KLHDC10: variants seen among roughly 807,000 people sequenced by gnomAD.
The protein encoded by KLHDC10 is kelch domain containing 10, also known as kelch domain-containing protein 10.
KLHDC10 carries 24 observed loss-of-function variants against 56.1 expected under a neutral mutation model. The ratio of observed to expected loss-of-function variants is 0.43; its 90% CI spans 0.31 to 0.60. The LOEUF (loss-of-function observed/expected upper bound fraction) is 0.60. KLHDC10 is among the 20% of genes least tolerant of loss of function. KLHDC10 has a pLI of 0.11. For missense variants in KLHDC10, 349 were observed against 567.0 expected, an observed-to-expected ratio of 0.62 and a Z score of 3.91; for synonymous variants, 188 against 207.1, an observed-to-expected ratio of 0.91 and a Z score of 0.79.
intron 1 of KLHDC10, among the ~76,000 whole-genome samples, chr7:130,094,112 G>A (rs1389428021): frequency 5.3e-5 from 8 of 151,890 alleles, no homozygotes; most frequent in African/African-American, 1.9e-4. Flanking sequence ...TTTTAGTAGA[G>A]ATGGGGTTTT....
chr7:130,108,586 G>A (rs1454806721), intron 2 of KLHDC10, among the ~76,000 whole-genome samples: 3 of 149,268 alleles, frequency 2.0e-5, no homozygotes, highest in Non-Finnish European at 3.0e-5. Context: ...TGGGCGTGGT[G>A]GTGCGCGCCT....
At chr7:130,117,732 T>TGGGACTGCA (rs1796186011) in intron 3 of KLHDC10, 2 of 151,602 alleles carry the variant, frequency 1.3e-5, no homozygotes, top group Admixed American at 6.6e-5. Flanking sequence ...ACGACTGTAT[T>TGGGACTGCA]CCCAGCTACT....
chr7:130,081,542 C>T (rs930951194), intron 1 of KLHDC10, among the ~76,000 whole-genome samples: 3 of 150,208 alleles, frequency 2.0e-5, no homozygotes, highest in African/African-American at 7.4e-5. Context: ...TGGTTTTGAA[C>T]TCCTGAGCTC....
chr7:130,103,381 T>C (rs911062903), intron 2 of KLHDC10, among the ~76,000 whole-genome samples: 1 of 147,444 alleles, frequency 6.8e-6, no homozygotes, highest in Non-Finnish European at 1.5e-5. Context: ...GCTGAGATCA[T>C]GTCACTGCAC....
At chr7:130,077,722 A>ATTTTTT in intron 1 of KLHDC10, among the ~76,000 whole-genome samples, 2 of 151,234 alleles carry the variant, frequency 1.3e-5, no homozygotes, top group Non-Finnish European at 2.9e-5. Flanking sequence ...CGCCCAGCTA[A>ATTTTTT]TTTTTTGTAG....
At chr7:130,101,798 G>A (rs1318687608) in intron 2 of KLHDC10, among the ~76,000 whole-genome samples, 3 of 151,822 alleles carry the variant, frequency 2.0e-5, no homozygotes, top group East Asian at 1.9e-4. Context: ...GTGAAACCCC[G>A]TCTCTACTAA....
chr7:130,092,852 C>T (rs753895662), intron 1 of KLHDC10, among the ~76,000 whole-genome samples: 1 of 152,136 alleles, frequency 6.6e-6, no homozygotes, highest in South Asian at 2.1e-4. Context: ...TAGTTGACCC[C>T]GAGAGTTGGT....
intron 1 of KLHDC10, among the ~76,000 whole-genome samples, chr7:130,096,468 G>A (rs1244373696): frequency 6.6e-6 from 1 of 152,084 alleles, no homozygotes; most frequent in East Asian, 1.9e-4. Context: ...AAAGAATGGT[G>A]CCCATTGCTT....
intron 8 of KLHDC10, among the ~76,000 whole-genome samples, chr7:130,128,889 A>AAAAATATATATATATATATAT: frequency 1.5e-5 from 1 of 66,952 alleles, no homozygotes; most frequent in African/African-American, 7.3e-5. Flanking sequence ...AAAAAAAAAA[A>AAAAATATATATATATATATAT]ATATATATAT....
At chr7:130,100,272 G>A (rs1274689453) in intron 2 of KLHDC10, among the ~76,000 whole-genome samples, 1 of 152,102 alleles carries the variant, frequency 6.6e-6, no homozygotes, top group East Asian at 1.9e-4. Context: ...AGTATTTCCA[G>A]GGAAACTTCC....
At chr7:130,091,309 G>A (rs79837080) in intron 1 of KLHDC10, among the ~76,000 whole-genome samples, 4,224 of 152,248 alleles carry the variant, frequency 0.028, 196 homozygotes, top group African/African-American at 0.097. Context: ...TCCCAGCAAA[G>A]TATAACTCAT....
At chr7:130,114,830 G>C (rs1219937968) in intron 2 of KLHDC10, among the ~76,000 whole-genome samples, 1 of 151,942 alleles carries the variant, frequency 6.6e-6, no homozygotes, top group Non-Finnish European at 1.5e-5. Flanking sequence ...GGGTAGGTAG[G>C]TAGACTAGGC....
intron 2 of KLHDC10, among the ~76,000 whole-genome samples, chr7:130,104,859 C>T (rs1369790064): frequency 6.6e-6 from 1 of 152,176 alleles, no homozygotes; most frequent in Non-Finnish European, 1.5e-5. Flanking sequence ...ACTTCGTCCC[C>T]GTGATCCAGT....
intron 1 of KLHDC10, among the ~76,000 whole-genome samples, chr7:130,088,641 CTTTCTTTCT>C (rs1256274248): frequency 1.3e-5 from 2 of 148,426 alleles, no homozygotes; most frequent in Admixed American, 6.8e-5. Flanking sequence ...TTCTTTCTTT[CTTTCTTTCT>C]TTTTTTTTTT....
At chr7:130,125,635 A>G (rs1282341312) in intron 6 of KLHDC10, among the ~76,000 whole-genome samples, 1 of 152,226 alleles carries the variant, frequency 6.6e-6, no homozygotes, top group Non-Finnish European at 1.5e-5. Context: ...AAGATCAGAA[A>G]AAAAGCAAAA....
intron 2 of KLHDC10, among the ~76,000 whole-genome samples, chr7:130,108,334 A>G (rs547319035): frequency 1.2e-4 from 19 of 152,110 alleles, no homozygotes; most frequent in Non-Finnish European, 2.5e-4. Context: ...TCCTCAAGGG[A>G]CTTTTTAAAA....
intron 1 of KLHDC10, among the ~76,000 whole-genome samples, chr7:130,094,460 G>A (rs1356416205): frequency 1.3e-5 from 2 of 151,818 alleles, no homozygotes; most frequent in African/African-American, 4.8e-5. Flanking sequence ...CAGTCTAAAA[G>A]TAATGCCTAC....
intron 1 of KLHDC10, among the ~76,000 whole-genome samples, chr7:130,074,198 A>G (rs1395838601): frequency 6.6e-6 from 1 of 152,120 alleles, no homozygotes; most frequent in Non-Finnish European, 1.5e-5. Flanking sequence ...CCATTGCACA[A>G]GCTTTTCCGT....
At chr7:130,087,509 A>G (rs1795707623) in intron 1 of KLHDC10, among the ~76,000 whole-genome samples, 2 of 152,212 alleles carry the variant, frequency 1.3e-5, no homozygotes, top group East Asian at 1.9e-4. Context: ...AAGTGAAATT[A>G]GAAGTATTAT....
Sources: gnomAD v4.1 joint callset for allele counts (sites outside exome capture counted in the v4.1 genomes callset) on GRCh38, gnomAD v4.1.1 for gene constraint, MANE v1.5 for transcripts, NCBI Gene and HGNC (gene_info 2026-07-23, HGNC 2026-07-21) for gene names.